The following CSMD1 variants were observed in gnomAD, a reference collection of about 807,000 sequenced individuals.
CSMD1 encodes CUB and sushi domain-containing protein 1.
Under a neutral mutation model 417.5 loss-of-function variants are expected in CSMD1, and 213 were observed. That is an observed-to-expected ratio of 0.51 (90% confidence interval 0.46 to 0.57). The LOEUF is 0.57. CSMD1 is among the 20% of genes least tolerant of loss of function. The probability of loss-of-function intolerance (pLI) is 0.00; values close to 1 mark genes in which losing one functional copy is unlikely to be tolerated. For missense variants in CSMD1, 6,923 were observed against 4,529.7 expected, an observed-to-expected ratio of 1.53 and a Z score of -15.17; for synonymous variants, 2,862 against 1,736.8, an observed-to-expected ratio of 1.65 and a Z score of -16.11.
At chr8:3,764,978 C>T (rs570803617) in intron 5 of CSMD1, among the ~76,000 whole-genome samples, 49 of 152,132 alleles carry the variant, frequency 3.2e-4, no homozygotes, top group African/African-American at 1.1e-3. Flanking sequence ...CTCCTGACCT[C>T]AGGTGATCTG....
chr8:3,113,812 G>A (rs542277641), intron 42 of CSMD1, among the ~76,000 whole-genome samples: 1 of 152,190 alleles, frequency 6.6e-6, no homozygotes. Context: ...GCACAGGAGG[G>A]CGGAGGTACA....
chr8:3,875,299 C>T (rs1009492423), intron 5 of CSMD1, among the ~76,000 whole-genome samples: 1 of 152,070 alleles, frequency 6.6e-6, no homozygotes, highest in Non-Finnish European at 1.5e-5. Flanking sequence ...CATTAAGGAT[C>T]CTAAACTCAA....
chr8:4,315,452 C>CA (rs111419811), intron 3 of CSMD1, among the ~76,000 whole-genome samples: 89 of 150,922 alleles, frequency 5.9e-4, no homozygotes, highest in Middle Eastern at 3.4e-3. Context: ...TCAGTGAATG[C>CA]AAAAAAAATA....
intron 5 of CSMD1, among the ~76,000 whole-genome samples, chr8:3,948,754 A>G (rs1003012441): frequency 2.0e-5 from 3 of 152,208 alleles, no homozygotes; most frequent in African/African-American, 4.8e-5. Flanking sequence ...GCTAGAAAAG[A>G]TGAGCATTTC....
intron 5 of CSMD1, among the ~76,000 whole-genome samples, chr8:3,772,664 T>A (rs1332746322): frequency 6.9e-6 from 1 of 145,134 alleles, no homozygotes; most frequent in Non-Finnish European, 1.5e-5. Context: ...TATACATACA[T>A]TTATATATAC....
chr8:3,775,021 C>G (rs1798823576), intron 5 of CSMD1, among the ~76,000 whole-genome samples: 2 of 151,986 alleles, frequency 1.3e-5, no homozygotes, highest in South Asian at 2.1e-4. Flanking sequence ...AAGCAGGATA[C>G]AGGAGATTTC....
intron 7 of CSMD1, among the ~76,000 whole-genome samples, chr8:3,668,750 G>C (rs1425677624): frequency 6.6e-6 from 1 of 152,138 alleles, no homozygotes; most frequent in Admixed American, 6.5e-5. Flanking sequence ...CGCTAGGGAA[G>C]ACCCATACTG....
intron 7 of CSMD1, among the ~76,000 whole-genome samples, chr8:3,640,408 T>C (rs938651832): frequency 9.9e-5 from 15 of 152,198 alleles, no homozygotes; most frequent in South Asian, 4.1e-4. Context: ...CTATGGTACA[T>C]TGTAAAGACC....
At chr8:4,177,669 T>A (rs1234732407) in intron 3 of CSMD1, among the ~76,000 whole-genome samples, 2 of 138,700 alleles carry the variant, frequency 1.4e-5, no homozygotes, top group African/African-American at 5.4e-5. Context: ...TCAACAAAAT[T>A]GATAGACCGC....
chr8:3,548,041 C>T (rs1249740980), intron 10 of CSMD1, among the ~76,000 whole-genome samples: 4 of 152,058 alleles, frequency 2.6e-5, no homozygotes, highest in African/African-American at 7.2e-5. Flanking sequence ...GAGGGGTAAC[C>T]ACCCCATGAA....
chr8:4,411,784 G>A (rs1294799573), intron 3 of CSMD1, among the ~76,000 whole-genome samples: 2 of 152,090 alleles, frequency 1.3e-5, no homozygotes, highest in Non-Finnish European at 1.5e-5. Context: ...TCACCAAAAT[G>A]GAATCACGTG....
intron 10 of CSMD1, among the ~76,000 whole-genome samples, chr8:3,571,096 G>C (rs1203716996): frequency 6.6e-6 from 1 of 152,170 alleles, no homozygotes; most frequent in East Asian, 1.9e-4. Context: ...ACTCTGTAAT[G>C]GCACTTACAG....
At chr8:4,027,904 G>A (rs1438890759) in intron 4 of CSMD1, among the ~76,000 whole-genome samples, 1 of 152,030 alleles carries the variant, frequency 6.6e-6, no homozygotes, top group Non-Finnish European at 1.5e-5. Context: ...TTTTTTTTCT[G>A]AGAGTGAGAA....
At chr8:4,301,346 G>C (rs139268940) in intron 3 of CSMD1, among the ~76,000 whole-genome samples, 6 of 152,290 alleles carry the variant, frequency 3.9e-5, no homozygotes, top group Non-Finnish European at 7.4e-5. Flanking sequence ...TTATGCTTTT[G>C]CTTTGACTGT....
intron 9 of CSMD1, among the ~76,000 whole-genome samples, chr8:3,584,072 C>G (rs965140646): frequency 2.0e-5 from 3 of 151,982 alleles, no homozygotes; most frequent in Non-Finnish European, 4.4e-5. Flanking sequence ...TTATTTCAGA[C>G]AAAAAATTAA....
chr8:4,835,949 A>G (rs1256902143), intron 1 of CSMD1, among the ~76,000 whole-genome samples: 1 of 152,108 alleles, frequency 6.6e-6, no homozygotes, highest in South Asian at 2.1e-4. Flanking sequence ...AATTTAATTT[A>G]TATTTTGAGA....
chr8:3,715,587 C>G (rs138859858), intron 6 of CSMD1, among the ~76,000 whole-genome samples: 10 of 152,220 alleles, frequency 6.6e-5, no homozygotes, highest in African/African-American at 2.2e-4. Flanking sequence ...CTGTCATCCA[C>G]GCTGGAGTGC....
At chr8:4,992,858 C>T (rs1811547468) in intron 1 of CSMD1, among the ~76,000 whole-genome samples, 1 of 152,180 alleles carries the variant, frequency 6.6e-6, no homozygotes, top group African/African-American at 2.4e-5. Context: ...GTGACTAAGA[C>T]CCACTGTTTG....
intron 3 of CSMD1, among the ~76,000 whole-genome samples, chr8:4,207,428 AC>A (rs1285729421): frequency 6.6e-6 from 1 of 150,660 alleles, no homozygotes; most frequent in African/African-American, 2.5e-5. Flanking sequence ...TCTTCAACCA[AC>A]TATTTTACAG....
Sources: gnomAD v4.1 joint callset for allele counts (sites outside exome capture counted in the v4.1 genomes callset) on GRCh38, gnomAD v4.1.1 for gene constraint, MANE v1.5 for transcripts, NCBI Gene and HGNC (gene_info 2026-07-23, HGNC 2026-07-21) for gene names.